SMARCA5: variants seen among roughly 807,000 people sequenced by gnomAD.
SMARCA5 encodes the protein SWI/SNF-related matrix-associated actin-dependent regulator of chromatin subfamily A member 5.
A neutral mutation model predicts 140.4 loss-of-function variants in SMARCA5; 18 were observed. That is an observed-to-expected ratio of 0.13 (90% CI 0.09 to 0.19). The LOEUF is 0.19. SMARCA5 is among the 10% of genes least tolerant of loss of function. The pLI is 1.00. For synonymous variants in SMARCA5, 449 were observed against 419.6 expected (o/e 1.07, Z -0.86); for missense variants, 606 against 1,276.8 (o/e 0.47, Z 8.01).
chr4:143,544,984 G>T (rs1237551446), intron 17 of SMARCA5, 137 bp downstream of exon 17: 23 of 514,808 alleles, frequency 4.5e-5, no homozygotes, highest in Non-Finnish European at 5.6e-5. Context: ...GTCTCACTCT[G>T]TTACCAGGAG....
chr4:143,520,157 A>G (rs979887390), intron 2 of SMARCA5, among the ~76,000 whole-genome samples: 1 of 152,160 alleles, frequency 6.6e-6, no homozygotes, highest in African/African-American at 2.4e-5. Flanking sequence ...CAAGCAGTTT[A>G]TCTTGATTCC....
chr4:143,552,351 CTTCT>C (rs1413720782), intron 23 of SMARCA5, among the ~76,000 whole-genome samples: 5 of 152,020 alleles, frequency 3.3e-5, no homozygotes, highest in African/African-American at 9.7e-5. Context: ...GGCAATTTGA[CTTCT>C]TTGTTTCCGA....
chr4:143,557,220 A>T lies in SMARCA5; in HGVS notation c.*4036A>T, dbSNP rs1216482392. The T allele has an allele frequency of 5.3e-5, 8 of 152,224 alleles. No individual in the cohort carries two copies. Among genetic ancestry groups the T allele is most frequent in the Non-Finnish European group, 8.8e-5 (6 of 68,050 alleles). 9.4% of individuals were successfully genotyped at this position (152,224 alleles called of 1,614,324 possible). A position where few individuals can be genotyped will look rare whatever the true frequency, so the allele number is the denominator to read the frequency against. On this transcript the variant is annotated 3_prime_UTR_variant, in exon 24 of 24. Transcript: ENST00000283131. Reference sequence around the variant, plus strand: ...CTAGGACACCAATATTTAATGTTGCATATCATGTATCTCCAGTACAAGAAG... The same window carrying T: ...CTAGGACACCAATATTTAATGTTGCTTATCATGTATCTCCAGTACAAGAAG...
In SMARCA5 at chr4:143,538,781, C is replaced by CA. The variant is rs757345077; in HGVS notation, c.1618-4dup. On this transcript the variant is annotated splice_region_variant and splice_polypyrimidine_tract_variant and intron_variant, in intron 12 of 23. Transcript: ENST00000283131. ...TTTTTGACAACCATTTTGTTTTATC[C>CA]ATAGGACTCCATCAATGCATACAAT... The CA allele has an allele frequency of 6.2e-7, 1 of 1,613,588 alleles. No individual in the cohort carries two copies. Among genetic ancestry groups the CA allele is most frequent in the South Asian group, 1.1e-5 (1 of 91,040 alleles).
intron 9 of SMARCA5, among the ~76,000 whole-genome samples, chr4:143,534,503 A>G (rs912460072): frequency 2.0e-5 from 3 of 152,232 alleles, no homozygotes; most frequent in Non-Finnish European, 2.9e-5. Context: ...CCTAAACGGT[A>G]TAGTGTAACA....
At position 143,513,736 on chromosome 4, in the gene SMARCA5, A is replaced by C. The variant is rs147870798; in HGVS notation, c.-189A>C. On this transcript the variant is annotated 5_prime_UTR_variant, in exon 1 of 24. Coordinates refer to ENST00000283131, the MANE Select transcript of SMARCA5 (RefSeq NM_003601.4). Reference sequence around the variant, plus strand: ...ACCTAGAGCCCCGCGGAAGAGCAGAACGTTTGGGAGTGTGCAGCTCCTGGG... The same window carrying C: ...ACCTAGAGCCCCGCGGAAGAGCAGACCGTTTGGGAGTGTGCAGCTCCTGGG... 3.8e-5 allele frequency: 23 copies of C among 613,292 alleles called. No homozygotes were observed. The highest frequency in any genetic ancestry group is 1.6e-4 in the Admixed American group (5 of 31,010). The allele number at this position is 613,292 out of a possible 1,614,324, so 38.0% of individuals were successfully genotyped here.
intron 19 of SMARCA5, among the ~76,000 whole-genome samples, 159 bp from the exon 20 acceptor site, chr4:143,546,617 G>A (rs1290043267): frequency 6.6e-6 from 1 of 152,032 alleles, no homozygotes. Flanking sequence ...ATAATGTGTT[G>A]TCAAAAGTGT....
At chr4:143,530,759 A>G (rs11944532) in intron 9 of SMARCA5, among the ~76,000 whole-genome samples, 32,090 of 152,106 alleles carry the variant, frequency 0.21, 3,391 homozygotes, top group South Asian at 0.29. Flanking sequence ...GTATTCTCTT[A>G]CAGTTATACA....
chr4:143,521,438 C>A lies in SMARCA5; in HGVS notation c.262C>A (p.Arg88=). ...PTYEEKMQTD[R]ANRFEYLLKQ... is the part of the protein sequence containing the mutation. ...AATTTTTTTTTTTCAGCAAACTGAC[C>A]GGGCAAATAGATTCGAGTATTTATT... The change falls in exon 3 of 24, where the codon CGG becomes AGG. Residue 88 remains arginine (R), a synonymous_variant. Coordinates refer to ENST00000283131, the MANE Select transcript of SMARCA5 (RefSeq NM_003601.4). 1 of 1,590,524 alleles carries A rather than the reference C, an allele frequency of 6.3e-7. No homozygotes were observed. Among genetic ancestry groups the A allele is most frequent in the Non-Finnish European group, 8.5e-7 (1 of 1,170,266 alleles).
rs1737109173 is a variant in SMARCA5, at chr4:143,528,038, A to G, written c.957+15A>G. The G allele has an allele frequency of 6.5e-7, 1 of 1,537,792 alleles. No homozygotes were observed. Among genetic ancestry groups the G allele is most frequent in the East Asian group, 2.3e-5 (1 of 43,210 alleles). On this transcript the variant is annotated intron_variant, in intron 7 of 23. Coordinates refer to ENST00000283131, the MANE Select transcript of SMARCA5 (RefSeq NM_003601.4). Reference sequence around the variant, plus strand: ...AAAAATCTAAGGTAATTTGATACTTAGATGTGAAAAGCCTTCATGTAAGAA... The same window carrying G: ...AAAAATCTAAGGTAATTTGATACTTGGATGTGAAAAGCCTTCATGTAAGAA...
chr4:143,535,117 G>A (rs148478822), intron 10 of SMARCA5, among the ~76,000 whole-genome samples, 153 bp downstream of exon 10: 53 of 152,270 alleles, frequency 3.5e-4, no homozygotes, highest in African/African-American at 1.3e-3. Context: ...TATAGGACTT[G>A]CTCATTAAGT....
intron 9 of SMARCA5, among the ~76,000 whole-genome samples, chr4:143,532,722 A>C (rs989597743): frequency 6.2e-5 from 9 of 145,370 alleles, no homozygotes; most frequent in Admixed American, 5.5e-4. Flanking sequence ...GGGGTTACTA[A>C]GACCCCCTTA....
At chr4:143,528,485 A>C (rs1283855023) in intron 7 of SMARCA5, 98 bp from the exon 8 acceptor site, 1 of 1,019,834 alleles carries the variant, frequency 9.8e-7, no homozygotes, top group East Asian at 2.6e-5. Context: ...TAACCGGTCT[A>C]TCATTGTTGG....
rs1737756439 is a variant in SMARCA5, at chr4:143,556,379, AAAAT to A, written c.*3200_*3203del. The A allele has an allele frequency of 6.6e-6, 1 of 152,208 alleles. No homozygotes were observed. The highest frequency in any genetic ancestry group is 1.5e-5 in the Non-Finnish European group (1 of 68,024). The allele number at this position is 152,208 out of a possible 1,614,324, so 9.4% of individuals were successfully genotyped here. A position where few individuals can be genotyped will look rare whatever the true frequency, so the allele number is the denominator to read the frequency against. ...GGTTTTTCAGAAAAATTCTGAGTAA[AAAAT>A]AAATTTCATCTTGTTCTATCCCTTT... On this transcript the variant is annotated 3_prime_UTR_variant, in exon 24 of 24. Transcript: ENST00000283131.
chr4:143,531,666 C>A (rs1480077757), intron 9 of SMARCA5, among the ~76,000 whole-genome samples: 1 of 152,134 alleles, frequency 6.6e-6, no homozygotes, highest in African/African-American at 2.4e-5. Context: ...AAAATTGTGC[C>A]CCTCCATGAC....
chr4:143,522,057 A>G (rs1408730089), intron 3 of SMARCA5, among the ~76,000 whole-genome samples: 1 of 152,182 alleles, frequency 6.6e-6, no homozygotes, highest in Non-Finnish European at 1.5e-5. Context: ...CTTGTTTAAC[A>G]TCACATTGAA....
In SMARCA5 at chr4:143,534,255, A is replaced by G. The variant is rs181132397; in HGVS notation, c.1159-600A>G. Among the ~76,000 whole-genome samples, 10 of 152,274 alleles carry G rather than the reference A, an allele frequency of 6.6e-5. No individual in the cohort carries two copies. In the East Asian group the frequency reaches 1.2e-3, roughly 18 times the overall value. ...ACTTGCTTTATTGAGGTAGTCTGGA[A>G]CTGAGCCTACAATATCTCTGAGGTA... is the stretch of plus-strand genomic sequence containing the variant. On this transcript the variant is annotated intron_variant, in intron 9 of 23. Transcript: ENST00000283131.
At chr4:143,525,371 G>C (rs1737048006) in intron 4 of SMARCA5, 80 bp from the exon 5 acceptor site, 2 of 858,892 alleles carry the variant, frequency 2.3e-6, no homozygotes, top group Non-Finnish European at 4.0e-6. Flanking sequence ...AAAGTCAGTA[G>C]ATATGTGTAG....
At chr4:143,514,880 A>AT (rs1046851121) in intron 1 of SMARCA5, among the ~76,000 whole-genome samples, 2 of 152,052 alleles carry the variant, frequency 1.3e-5, no homozygotes, top group Non-Finnish European at 2.9e-5. Flanking sequence ...GAAAAAAAAA[A>AT]ATTAGTACCA....
Sources: allele counts gnomAD v4.1 joint callset (sites outside exome capture counted in the v4.1 genomes callset), GRCh38; gene constraint gnomAD v4.1.1; transcripts MANE v1.5; gene names NCBI Gene and HGNC (gene_info 2026-07-23, HGNC 2026-07-21).